Variants in AP2A2 observed in about 807,000 individuals in gnomAD.
AP2A2 encodes the protein adaptor related protein complex 2 subunit alpha 2, also known as AP-2 complex subunit alpha-2.
In AP2A2, 32 loss-of-function variants were observed where a neutral mutation model predicts 104.2. The ratio of observed to expected loss-of-function variants is 0.31; its 90% CI spans 0.23 to 0.41. The LOEUF (loss-of-function observed/expected upper bound fraction) is 0.41, where lower values mean the gene tolerates loss of function less well. Ranked by LOEUF, AP2A2 falls within the 10% of genes least tolerant of loss-of-function variation. AP2A2 has a pLI of 1.00. For missense variants in AP2A2, 912 were observed against 1,261.0 expected (o/e 0.72, Z 4.19); for synonymous variants, 539 against 533.3 (o/e 1.01, Z -0.15).
At chr11:944,941 CTG>C in intron 1 of AP2A2, among the ~76,000 whole-genome samples, 1 of 152,230 alleles carries the variant, frequency 6.6e-6, no homozygotes, top group East Asian at 1.9e-4. Flanking sequence ...TTTATAAAGA[CTG>C]TGGCTCTTAC....
At chr11:991,987 A>G (rs1855671505) in intron 10 of AP2A2, among the ~76,000 whole-genome samples, 1 of 151,798 alleles carries the variant, frequency 6.6e-6, no homozygotes, top group African/African-American at 2.4e-5. Flanking sequence ...TCCGGGGGGC[A>G]CCCGTGAGAG....
intron 14 of AP2A2, chr11:995,379 C>G (rs1261868272): frequency 2.2e-6 from 1 of 455,914 alleles, no homozygotes; most frequent in East Asian, 6.9e-5. Context: ...TTGCTTGGCT[C>G]TGCTTGCCAG....
chr11:958,883 A>C (rs1854330158), intron 1 of AP2A2, among the ~76,000 whole-genome samples: 1 of 152,168 alleles, frequency 6.6e-6, no homozygotes, highest in Non-Finnish European at 1.5e-5. Flanking sequence ...TTCAACGGGC[A>C]CATCTGAGCT....
intron 1 of AP2A2, among the ~76,000 whole-genome samples, chr11:936,791 A>T (rs1304450775): frequency 6.6e-6 from 1 of 152,162 alleles, no homozygotes; most frequent in Non-Finnish European, 1.5e-5. Flanking sequence ...GAGGAGGCTA[A>T]GTACCTTGGG....
chr11:1,010,677 C>T lies in AP2A2; in HGVS notation c.*52C>T, dbSNP rs1564826210. On this transcript the variant is annotated 3_prime_UTR_variant, in exon 22 of 22. Coordinates refer to ENST00000448903, the MANE Select transcript of AP2A2 (RefSeq NM_012305.4). The stretch of plus-strand genomic sequence containing the variant: ...GTGTCTTGTGTTGTCTTCGTCTGTG[C>T]CGTTTGTCTTCGTGGCCATCCTGCA... 89 of 1,483,532 alleles carry T rather than the reference C, an allele frequency of 6.0e-5. No individual in the cohort carries two copies. Among genetic ancestry groups the T allele is most frequent in the Non-Finnish European group, 7.9e-5 (86 of 1,083,192 alleles). The allele number at this position is 1,483,532 out of a possible 1,614,324, so 91.9% of individuals were successfully genotyped here.
At chr11:956,694 G>C (rs192003561) in intron 1 of AP2A2, 1 of 152,296 alleles carries the variant, frequency 6.6e-6, no homozygotes, top group African/African-American at 2.4e-5. Flanking sequence ...AGTGTTTGTT[G>C]AGCGAGGTCC....
chr11:992,319 G>A lies in AP2A2; in HGVS notation c.1270-184G>A, dbSNP rs1474105642. ...CCTGGCTTTCTTTGCTTAAGTCAGG[G>A]CATCTTAAACTTTCTGGGCTCGTGG... On this transcript the variant is annotated intron_variant, in intron 10 of 21. Coordinates refer to ENST00000448903, the MANE Select transcript of AP2A2 (RefSeq NM_012305.4). This position sits in a 1 kb window ranked among gnomAD's most constrained non-coding sequence, Gnocchi z 6.4. The A allele has an allele frequency of 6.1e-6, 4 of 659,582 alleles. No individual in the cohort carries two copies. The highest frequency in any genetic ancestry group is 4.9e-5 in the Admixed American group (2 of 41,126). The allele number at this position is 659,582 out of a possible 1,614,324, so 40.9% of individuals were successfully genotyped here.
At chr11:986,758 C>T in intron 8 of AP2A2, 27 bp from the exon 9 acceptor site, 1 of 1,607,524 alleles carries the variant, frequency 6.2e-7, no homozygotes, top group South Asian at 1.1e-5. Flanking sequence ...TGAGGAAACC[C>T]CACCCACTTC....
intron 1 of AP2A2, among the ~76,000 whole-genome samples, chr11:953,640 TCCGTCTGCC>T: frequency 6.7e-6 from 1 of 149,308 alleles, no homozygotes; most frequent in East Asian, 2.1e-4. Context: ...TCCGTCTGCC[TCCGTCTGCC>T]TGCTGTCCCT....
Position 993,912 on chromosome 11 carries a change from A to G in AP2A2, c.1709A>G (p.Asn570Ser). The change falls in exon 13 of 22, where the codon AAC becomes AGC. Residue 570 changes from asparagine (N) to serine (S), a missense_variant. By Grantham distance (46) the Asn-to-Ser change is conservative. Transcript: ENST00000448903. The surrounding 1 kb of genome is among the most constrained non-coding windows in gnomAD (Gnocchi z 8.2). ...DVLRSDSQLRNADVELQQRAV... is the reference protein window; with the variant it reads ...DVLRSDSQLRSADVELQQRAV... ...CTGCGCAGCGACAGCCAGCTCAGGA[A>G]CGCAGACGTGGAGCTGCAGCAGCGT... The G allele has an allele frequency of 1.2e-6, 2 of 1,611,872 alleles. No individual in the cohort carries two copies. The highest frequency in any genetic ancestry group is 1.7e-6 in the Non-Finnish European group (2 of 1,179,754).
chr11:995,435 C>T (rs1240868627), intron 14 of AP2A2: 8 of 455,666 alleles, frequency 1.8e-5, no homozygotes, highest in East Asian at 7.0e-5. Flanking sequence ...CGGGGTCAGG[C>T]GGGCTTTCTG....
intron 1 of AP2A2, among the ~76,000 whole-genome samples, chr11:926,811 G>A (rs1853135694): frequency 6.6e-5 from 10 of 152,250 alleles, no homozygotes; most frequent in Admixed American, 5.2e-4. Context: ...TCAGCCCCGT[G>A]CCTGTCCCCT....
chr11:1,000,633 G>C, intron 15 of AP2A2, 35 bp downstream of exon 15: 1 of 1,525,222 alleles, frequency 6.6e-7, no homozygotes, highest in Non-Finnish European at 8.8e-7. Flanking sequence ...AGACAGGCAC[G>C]GGGCTGCCGT....
intron 1 of AP2A2, among the ~76,000 whole-genome samples, chr11:954,522 TTC>T (rs1854167787): frequency 1.3e-5 from 2 of 151,972 alleles, no homozygotes; most frequent in Admixed American, 6.6e-5. Context: ...ACGTGTGTAT[TTC>T]TGTGTATCTG....
chr11:985,078 G>A (rs916488425), intron 7 of AP2A2, among the ~76,000 whole-genome samples: 2 of 152,136 alleles, frequency 1.3e-5, no homozygotes, highest in Non-Finnish European at 2.9e-5. Flanking sequence ...CTGCCTCCCG[G>A]GTTCAAGCGA....
At chr11:970,100 C>T in intron 2 of AP2A2, 69 bp from the exon 3 acceptor site, 2 of 1,552,898 alleles carry the variant, frequency 1.3e-6, no homozygotes, top group Non-Finnish European at 1.8e-6. Flanking sequence ...TGCTGCACTG[C>T]CCTCTGCTCT....
intron 1 of AP2A2, chr11:933,456 C>T (rs928797047): frequency 8.9e-5 from 40 of 449,428 alleles, no homozygotes; most frequent in Non-Finnish European, 1.4e-4. Context: ...AGTTTTGTCA[C>T]GAGAGAATTT....
At chr11:987,034 G>T in intron 9 of AP2A2, 81 bp downstream of exon 9, 1 of 1,450,530 alleles carries the variant, frequency 6.9e-7, no homozygotes. Flanking sequence ...GGTACGCAGT[G>T]CCTCCTGACT....
rs547000187 is a variant in AP2A2 at position 937,897 on chromosome 11, C to T, written c.67+11809C>T. ...AGAGGTTGTCAGTTAGCCTAAGTCCCGGAGCTCCCGAGAGGTGGAGCTGGA... is the reference window on the plus strand; with the variant it reads ...AGAGGTTGTCAGTTAGCCTAAGTCCTGGAGCTCCCGAGAGGTGGAGCTGGA... On this transcript the variant is annotated intron_variant, in intron 1 of 21. Coordinates refer to ENST00000448903, the MANE Select transcript of AP2A2 (RefSeq NM_012305.4). Among the ~76,000 whole-genome samples, 26 of 152,242 alleles carry T rather than the reference C, an allele frequency of 1.7e-4. No individual in the cohort carries two copies. In the South Asian group the frequency reaches 3.7e-3, roughly 22 times the overall value.
Sources: allele counts gnomAD v4.1 joint callset (sites outside exome capture counted in the v4.1 genomes callset), GRCh38; gene constraint gnomAD v4.1.1; non-coding constraint Gnocchi (gnomAD v3.1); transcripts MANE v1.5; gene names NCBI Gene and HGNC (gene_info 2026-07-23, HGNC 2026-07-21).